The following CEBPZOS variants were observed in gnomAD, a reference collection of about 807,000 sequenced individuals.
The protein encoded by CEBPZOS is protein CEBPZOS.
In CEBPZOS, 10 loss-of-function variants were observed where a neutral mutation model predicts 4.8. That is an observed-to-expected ratio of 2.07 (90% confidence interval 1.28 to 3.52). The LOEUF (loss-of-function observed/expected upper bound fraction) is 3.52, where lower values mean the gene tolerates loss of function less well. Among genes scored for constraint, CEBPZOS ranks in the 30% most tolerant of loss-of-function variants. The probability of loss-of-function intolerance (pLI) is 0.00; values close to 1 mark genes in which losing one functional copy is unlikely to be tolerated. For missense variants in CEBPZOS, 98 were observed against 43.6 expected, an observed-to-expected ratio of 2.25 and a Z score of -3.51; for synonymous variants, 25 against 14.2, an observed-to-expected ratio of 1.77 and a Z score of -1.72.
rs1677365632 is a variant in CEBPZOS, at chr2:37,203,201, C to T, written c.*1341C>T. 2 of 419,624 alleles carry T rather than the reference C, an allele frequency of 4.8e-6. No homozygotes were observed. The allele number at this position is 419,624 out of a possible 1,614,324, so 26.0% of individuals were successfully genotyped here. A position where few individuals can be genotyped will look rare whatever the true frequency, so the allele number is the denominator to read the frequency against. On this transcript the variant is annotated 3_prime_UTR_variant, in exon 5 of 5. Coordinates refer to ENST00000402297, the MANE Select transcript of CEBPZOS (RefSeq NM_001322374.2). ...TATAATATTTTCAAAAAGCTAACAA[C>T]ATCCTAATAGAACTGTTCAGATGAC...
intron 1 of CEBPZOS, among the ~76,000 whole-genome samples, chr2:37,198,087 C>T (rs1416908094): frequency 1.3e-5 from 2 of 149,640 alleles, no homozygotes; most frequent in Non-Finnish European, 3.0e-5. Flanking sequence ...TTGAATCCGG[C>T]AGGCGGAGGT....
At chr2:37,207,330 C>A (rs978367264), downstream of CEBPZOS, among the ~76,000 whole-genome samples, 3 of 152,162 alleles carry the variant, frequency 2.0e-5, no homozygotes, top group African/African-American at 7.2e-5. Context: ...GAACATTCTA[C>A]CCAAAAACTG....
chr2:37,211,098 AT>A, intron 4 of CEBPZOS: 1 of 1,575,662 alleles, frequency 6.3e-7, no homozygotes, highest in Non-Finnish European at 8.7e-7. Flanking sequence ...ACACGAAAAA[AT>A]TTGCTAATAA....
At position 37,202,538 on chromosome 2, in the gene CEBPZOS, G is replaced by A; in HGVS notation, c.*678G>A. On this transcript the variant is annotated 3_prime_UTR_variant, in exon 5 of 5. Transcript: ENST00000402297. ...TGCATGCCTGTAATCCCAGCTACTT[G>A]GGAGGCTAAGGTAGGAGAATTACTT... 1 of 304,064 alleles carries A rather than the reference G, an allele frequency of 3.3e-6. No individual in the cohort carries two copies. The highest frequency in any genetic ancestry group is 6.2e-6 in the Non-Finnish European group (1 of 162,412). The allele number at this position is 304,064 out of a possible 1,614,324, so 18.8% of individuals were successfully genotyped here.
chr2:37,211,429 A>T (rs925665623), intron 4 of CEBPZOS: 1 of 235,446 alleles, frequency 4.2e-6, no homozygotes, highest in African/African-American at 2.2e-5. Context: ...GAAAGGACAG[A>T]AAGGTCAGAC....
At chr2:37,213,321 A>C (rs1677784996) in intron 4 of CEBPZOS, 1 of 152,382 alleles carries the variant, frequency 6.6e-6, no homozygotes, top group Non-Finnish European at 1.5e-5. Flanking sequence ...GCAAATATAA[A>C]TGTTTTCTTA....
chr2:37,199,935 T>TA (rs1373263267), intron 2 of CEBPZOS, 116 bp downstream of exon 2: 1 of 623,806 alleles, frequency 1.6e-6, no homozygotes, highest in East Asian at 2.7e-5. Context: ...TTCAAGATAT[T>TA]AGACATTTTT....
chr2:37,203,755 T>A lies in CEBPZOS; in HGVS notation c.*1895T>A, dbSNP rs1245044463. 6.6e-6 allele frequency: 1 copy of A among 152,292 alleles called. No homozygotes were observed. Among genetic ancestry groups the A allele is most frequent in the African/African-American group, 2.4e-5 (1 of 41,478 alleles). The allele number at this position is 152,292 out of a possible 1,614,324, so 9.4% of individuals were successfully genotyped here. ...ACCCATCTCCGATCTATCTTGTTTC[T>A]ATGACTTGCCTTTTCTGGCTATTTC... On this transcript the variant is annotated 3_prime_UTR_variant, in exon 5 of 5. Transcript: ENST00000402297.
At chr2:37,208,403 C>A (rs982228832), downstream of CEBPZOS, among the ~76,000 whole-genome samples, 6 of 152,142 alleles carry the variant, frequency 3.9e-5, no homozygotes, top group African/African-American at 1.4e-4. Flanking sequence ...CAACAAAATA[C>A]TAGCTAACCA....
At chr2:37,207,347 A>G (rs1677574034), downstream of CEBPZOS, among the ~76,000 whole-genome samples, 1 of 152,218 alleles carries the variant, frequency 6.6e-6, no homozygotes, top group South Asian at 2.1e-4. Flanking sequence ...ACTGCAGAAT[A>G]TACATTATTT....
intron 4 of CEBPZOS, chr2:37,213,326 T>A (rs1677785128): frequency 6.6e-6 from 1 of 152,498 alleles, no homozygotes; most frequent in Non-Finnish European, 1.5e-5. Flanking sequence ...TATAAATGTT[T>A]TCTTATATAG....
rs990173194 is a variant in CEBPZOS at position 37,203,368 on chromosome 2, G to C, written c.*1508G>C. 6.3e-6 allele frequency: 1 copy of C among 158,036 alleles called. No homozygotes were observed. Among genetic ancestry groups the C allele is most frequent in the African/African-American group, 2.4e-5 (1 of 41,638 alleles). 9.8% of individuals were successfully genotyped at this position (158,036 alleles called of 1,614,324 possible). ...TACTTAAGACACAACATAAAATTTAGTTCAGGGGTCTTTAGATTGTAAAGA... is the reference window on the plus strand; with the variant it reads ...TACTTAAGACACAACATAAAATTTACTTCAGGGGTCTTTAGATTGTAAAGA... On this transcript the variant is annotated 3_prime_UTR_variant, in exon 5 of 5. Transcript: ENST00000402297.
downstream of CEBPZOS, among the ~76,000 whole-genome samples, chr2:37,214,361 T>A (rs779486108): frequency 6.6e-6 from 1 of 152,172 alleles, no homozygotes; most frequent in Non-Finnish European, 1.5e-5. Flanking sequence ...TAGGTTATGA[T>A]ACTAGTTGGT....
At chr2:37,214,246 C>T (rs543580222), downstream of CEBPZOS, among the ~76,000 whole-genome samples, 2 of 152,220 alleles carry the variant, frequency 1.3e-5, no homozygotes, top group African/African-American at 4.8e-5. Flanking sequence ...TGTAATCAAA[C>T]CCTCAAAATT....
Position 37,202,937 on chromosome 2 carries a change from A to G in CEBPZOS, c.*1077A>G. On this transcript the variant is annotated 3_prime_UTR_variant, in exon 5 of 5. Transcript: ENST00000402297. ...AGAATAGCTAGCTTGTTAAAACAGT[A>G]CATTAGCCTTACCTCTTCAGCAGAT... 6.3e-7 allele frequency: 1 copy of G among 1,594,510 alleles called. No individual in the cohort carries two copies. The highest frequency in any genetic ancestry group is 8.5e-7 in the Non-Finnish European group (1 of 1,170,096).
In CEBPZOS at chr2:37,202,417, G is replaced by A. The variant is rs943920567; in HGVS notation, c.*557G>A. ...CTCAGCACTTTGGGAGGCCGAGGCA[G>A]GCGGGTCACTTGAGGTCAGGAGTTC... is the stretch of plus-strand genomic sequence containing the variant. On this transcript the variant is annotated 3_prime_UTR_variant, in exon 5 of 5. Coordinates refer to ENST00000402297, the MANE Select transcript of CEBPZOS (RefSeq NM_001322374.2). The A allele has an allele frequency of 3.5e-5, 6 of 170,644 alleles. No homozygotes were observed. The highest frequency in any genetic ancestry group is 6.3e-5 in the Non-Finnish European group (5 of 79,942). 10.6% of individuals were successfully genotyped at this position (170,644 alleles called of 1,614,324 possible).
chr2:37,210,939 T>A, intron 4 of CEBPZOS: 3 of 1,170,556 alleles, frequency 2.6e-6, no homozygotes, highest in Non-Finnish European at 2.4e-6. Flanking sequence ...TTTCCCAAAA[T>A]GATAATGACA....
At position 37,202,160 on chromosome 2, in the gene CEBPZOS, G is replaced by T. The variant is rs1677279300; in HGVS notation, c.*300G>T. The T allele has an allele frequency of 7.9e-6, 2 of 252,584 alleles. No individual in the cohort carries two copies. The highest frequency in any genetic ancestry group is 1.5e-5 in the Non-Finnish European group (2 of 135,646). 15.6% of individuals were successfully genotyped at this position (252,584 alleles called of 1,614,324 possible). The stretch of plus-strand genomic sequence containing the variant: ...TTTCTCTCCCCAAGCACTTTTACTG[G>T]TGAAATAAAAACCAGTAACAATCAA... On this transcript the variant is annotated 3_prime_UTR_variant, in exon 5 of 5. Coordinates refer to ENST00000402297, the MANE Select transcript of CEBPZOS (RefSeq NM_001322374.2).
chr2:37,212,032 T>C (rs779933992), intron 4 of CEBPZOS: 1 of 1,576,990 alleles, frequency 6.3e-7, no homozygotes, highest in Admixed American at 2.0e-5. Context: ...GTTCTCTTTT[T>C]CACGTTTCTG....
Sources: gnomAD v4.1 joint callset for allele counts (sites outside exome capture counted in the v4.1 genomes callset) on GRCh38, gnomAD v4.1.1 for gene constraint, MANE v1.5 for transcripts, NCBI Gene and HGNC (gene_info 2026-07-23, HGNC 2026-07-21) for gene names.